Variants in RANBP17 observed in about 807,000 individuals in gnomAD.
RANBP17 encodes RAN binding protein 17.
Under a neutral mutation model 141.2 loss-of-function variants are expected in RANBP17, and 158 were observed. The observed-to-expected ratio is 1.12, with a 90% confidence interval of 0.98 to 1.28. The LOEUF (loss-of-function observed/expected upper bound fraction) is 1.28, where lower values mean the gene tolerates loss of function less well. Ranked by LOEUF, RANBP17 falls within the 50% of genes most tolerant of loss-of-function variation. The pLI is 0.00. For missense variants in RANBP17, 1,438 were observed against 1,290.7 expected (o/e 1.11, Z -1.75); for synonymous variants, 430 against 450.0 (o/e 0.96, Z 0.56).
intron 24 of RANBP17, among the ~76,000 whole-genome samples, chr5:171,264,690 T>C (rs1766550261): frequency 6.6e-6 from 1 of 152,230 alleles, no homozygotes; most frequent in African/African-American, 2.4e-5. Flanking sequence ...TTCTTCTCAT[T>C]CAACTCTGCA....
At chr5:170,957,019 G>A (rs112333613) in intron 13 of RANBP17, among the ~76,000 whole-genome samples, 11 of 151,336 alleles carry the variant, frequency 7.3e-5, no homozygotes, top group African/African-American at 1.2e-4. Flanking sequence ...GCAGTGAGCC[G>A]AGATCGTGCC....
chr5:171,292,681 G>A (rs1162714805), intron 25 of RANBP17, among the ~76,000 whole-genome samples: 1 of 152,172 alleles, frequency 6.6e-6, no homozygotes, highest in Non-Finnish European at 1.5e-5. Flanking sequence ...GAGGTAGGAG[G>A]TAAAGAGTCC....
In RANBP17 at chr5:171,221,764, G is replaced by A. The variant is rs1763574491; in HGVS notation, c.2346G>A (p.Gln782=). ...LMAELMQNRS[Q]RLNFDVSSPN... is the part of the protein sequence containing the mutation. The stretch of plus-strand genomic sequence containing the variant: ...TTTTTTCTATATTTCTTAGATCCCA[G>A]CGTTTGAATTTTGATGTATCATCTC... Residue 782 remains glutamine (Q), a synonymous_variant, in exon 22 of 28, where the codon CAG becomes CAA. Transcript: ENST00000523189. 1 of 1,603,190 alleles carries A rather than the reference G, an allele frequency of 6.2e-7. No individual in the cohort carries two copies. The highest frequency in any genetic ancestry group is 8.5e-7 in the Non-Finnish European group (1 of 1,171,518).
intron 14 of RANBP17, among the ~76,000 whole-genome samples, chr5:171,117,827 GTTT>G (rs1206033205): frequency 2.9e-5 from 3 of 103,808 alleles, no homozygotes; most frequent in African/African-American, 3.5e-5. Flanking sequence ...TATATGTGGG[GTTT>G]TGTTGTTGTT....
chr5:170,995,643 A>C (rs184609403), intron 14 of RANBP17, among the ~76,000 whole-genome samples: 24 of 152,256 alleles, frequency 1.6e-4, no homozygotes, highest in Non-Finnish European at 3.4e-4. Context: ...TGAGGCAGAT[A>C]ATGAAACTTG....
intron 14 of RANBP17, among the ~76,000 whole-genome samples, chr5:171,154,229 C>T (rs750571984): frequency 6.6e-6 from 1 of 151,726 alleles, no homozygotes; most frequent in Non-Finnish European, 1.5e-5. Flanking sequence ...CCAAGAACTA[C>T]CTGCTATTTC....
At chr5:171,181,372 C>T (rs1760848702) in intron 16 of RANBP17, among the ~76,000 whole-genome samples, 1 of 151,894 alleles carries the variant, frequency 6.6e-6, no homozygotes. Flanking sequence ...ATCACTTGAA[C>T]CTGGGCGGGA....
intron 16 of RANBP17, among the ~76,000 whole-genome samples, chr5:171,172,585 A>G (rs1760174933): frequency 2.6e-5 from 4 of 151,584 alleles, no homozygotes; most frequent in Non-Finnish European, 5.9e-5. Context: ...TTTCTAACAT[A>G]TGAAGTGGTT....
intron 20 of RANBP17, chr5:171,206,109 G>A: frequency 8.1e-6 from 2 of 246,604 alleles, no homozygotes; most frequent in Admixed American, 5.2e-5. Flanking sequence ...TGTAAAATTT[G>A]AATTGACCTT....
intron 14 of RANBP17, among the ~76,000 whole-genome samples, chr5:171,127,066 A>G (rs924347660): frequency 2.6e-5 from 4 of 152,218 alleles, no homozygotes; most frequent in Non-Finnish European, 4.4e-5. Flanking sequence ...ATGAACATAG[A>G]TGCAAAAACC....
chr5:171,127,593 G>A (rs1756570815), intron 14 of RANBP17, among the ~76,000 whole-genome samples: 1 of 152,034 alleles, frequency 6.6e-6, no homozygotes, highest in Non-Finnish European at 1.5e-5. Flanking sequence ...TAGCCAAAAA[G>A]TATATGAAAA....
At chr5:171,164,794 A>C (rs186700614) in intron 14 of RANBP17, among the ~76,000 whole-genome samples, 12 of 152,316 alleles carry the variant, frequency 7.9e-5, no homozygotes, top group African/African-American at 2.6e-4. Flanking sequence ...AAGTAGAAAG[A>C]ATTTGATTTT....
intron 14 of RANBP17, among the ~76,000 whole-genome samples, chr5:171,093,117 G>T (rs921567908): frequency 6.6e-6 from 1 of 151,892 alleles, no homozygotes; most frequent in African/African-American, 2.4e-5. Context: ...GGCTAAGGCC[G>T]GAGAATTGCT....
chr5:170,920,767 T>A (rs1772384621), intron 11 of RANBP17, among the ~76,000 whole-genome samples: 1 of 152,202 alleles, frequency 6.6e-6, no homozygotes, highest in African/African-American at 2.4e-5. Flanking sequence ...TGTTGTTTCC[T>A]GACTTTTTAA....
At chr5:171,065,799 C>T (rs1784277238) in intron 14 of RANBP17, among the ~76,000 whole-genome samples, 1 of 152,064 alleles carries the variant, frequency 6.6e-6, no homozygotes, top group Non-Finnish European at 1.5e-5. Context: ...TAGTTCTACC[C>T]TGCCTCCTTT....
intron 14 of RANBP17, among the ~76,000 whole-genome samples, chr5:170,973,955 A>G (rs1304602958): frequency 6.6e-6 from 1 of 152,168 alleles, no homozygotes; most frequent in African/African-American, 2.4e-5. Flanking sequence ...TCTTAATATC[A>G]TCATGCTGGG....
intron 14 of RANBP17, among the ~76,000 whole-genome samples, chr5:171,020,035 A>AGTT (rs1780742121): frequency 6.6e-6 from 1 of 152,140 alleles, no homozygotes; most frequent in African/African-American, 2.4e-5. Flanking sequence ...TTTACTGAGG[A>AGTT]GTTATTCAGG....
intron 14 of RANBP17, among the ~76,000 whole-genome samples, chr5:170,987,172 A>G (rs980550845): frequency 1.3e-5 from 2 of 151,792 alleles, no homozygotes; most frequent in Admixed American, 6.6e-5. Flanking sequence ...CAGCATGCCA[A>G]ATATATCATG....
chr5:170,880,636 G>A (rs1489493641), intron 2 of RANBP17, among the ~76,000 whole-genome samples: 2 of 152,098 alleles, frequency 1.3e-5, no homozygotes, highest in African/African-American at 4.8e-5. Context: ...GAATATTGGG[G>A]ATATTGCTTG....
Sources: gnomAD v4.1 joint callset for allele counts (sites outside exome capture counted in the v4.1 genomes callset) on GRCh38, gnomAD v4.1.1 for gene constraint, MANE v1.5 for transcripts, NCBI Gene and HGNC (gene_info 2026-07-23, HGNC 2026-07-21) for gene names.